CHD2: variants seen among roughly 807,000 people sequenced by gnomAD.
CHD2 encodes the protein ATP-dependent chromatin remodeler CHD2.
In CHD2, 28 loss-of-function variants were observed where a neutral mutation model predicts 243.9. The observed-to-expected ratio is 0.11, with a 90% CI of 0.09 to 0.16. CHD2 has a LOEUF of 0.16. Among genes scored for constraint, CHD2 ranks in the 10% least tolerant of loss-of-function variants. The pLI is 1.00. For synonymous variants in CHD2, 775 were observed against 779.0 expected (o/e 0.99, Z 0.09); for missense variants, 1,386 against 2,209.8 (o/e 0.63, Z 7.47).
rs1211531023 is a variant in CHD2, at chr15:92,948,949, C to T, written c.1378-3C>T. On this transcript the variant is annotated splice_polypyrimidine_tract_variant and splice_region_variant and intron_variant, in intron 12 of 38. Coordinates refer to ENST00000394196, the MANE Select transcript of CHD2 (RefSeq NM_001271.4). The stretch of plus-strand genomic sequence containing the variant: ...TTCTCAGACTTGGGCTTTTGTTTTT[C>T]AGGCCCTGAAGCAGAGACCACGATT... The T allele has an allele frequency of 1.2e-6, 2 of 1,609,072 alleles. No individual in the cohort carries two copies. Among genetic ancestry groups the T allele is most frequent in the Non-Finnish European group, 1.7e-6 (2 of 1,178,622 alleles).
At chr15:92,966,239 T>G (rs1245721506) in intron 16 of CHD2, among the ~76,000 whole-genome samples, 1 of 151,562 alleles carries the variant, frequency 6.6e-6, no homozygotes, top group Non-Finnish European at 1.5e-5. Context: ...AATTTTTGTA[T>G]TTTTAGTAGA....
intron 2 of CHD2, chr15:92,905,050 G>C (rs1181383826): frequency 1.3e-6 from 2 of 1,483,512 alleles, no homozygotes; most frequent in Admixed American, 4.2e-5. Context: ...ATTCACAGTG[G>C]GATAGTTTAG....
intron 22 of CHD2, 55 bp downstream of exon 22, chr15:92,979,338 G>T: frequency 1.3e-6 from 2 of 1,584,010 alleles, no homozygotes; most frequent in South Asian, 2.3e-5. Context: ...CTACATCACT[G>T]TTGGATATAA....
chr15:92,941,834 T>A lies in CHD2; in HGVS notation c.705T>A (p.Asp235Glu). The A allele has an allele frequency of 6.2e-7, 1 of 1,613,222 alleles. No homozygotes were observed. Residue 235 changes from aspartate to glutamate, a missense_variant, in exon 8 of 39, where the codon GAT becomes GAA. Physicochemically the swap from Asp to Glu is conservative, Grantham distance 45. Coordinates refer to ENST00000394196, the MANE Select transcript of CHD2 (RefSeq NM_001271.4). ...ATTCCTCTTGCAGTTACAAAGAAGA[T>A]GATGACTTTGAGACTGACTCAGATG... ...RAAKNVSYKE[D>E]DDFETDSDDL... is the part of the protein sequence containing the mutation.
At chr15:92,939,204 CTG>C (rs2053317865) in intron 6 of CHD2, among the ~76,000 whole-genome samples, 1 of 152,152 alleles carries the variant, frequency 6.6e-6, no homozygotes, top group Non-Finnish European at 1.5e-5. Flanking sequence ...ACAAGTAAAA[CTG>C]TTAATTCCTA....
chr15:92,946,044 G>A lies in CHD2; in HGVS notation c.1205G>A (p.Ser402Asn), dbSNP rs1425228329. 6.3e-7 allele frequency: 1 copy of A among 1,578,710 alleles called. No individual in the cohort carries two copies. Among genetic ancestry groups the A allele is most frequent in the Non-Finnish European group, 8.6e-7 (1 of 1,163,136 alleles). ...TTTTTTTTATATGAAATAGCTCATA[G>A]TCGGAAGCCGGCACCCTCAAATGAG... ...TLGQTDFPAH[S>N]RKPAPSNEPE... Residue 402 changes from serine to asparagine, a missense_variant, in exon 12 of 39, where the codon AGT becomes AAT. Around this residue, in one of 19 missense-constraint regions of CHD2, gnomAD observed 200 missense variants for 292.5 expected, o/e 0.68. Transcript: ENST00000394196.
intron 2 of CHD2, chr15:92,902,553 G>A (rs12901651): frequency 0.2 from 33,984 of 174,024 alleles, 4,397 homozygotes; most frequent in Non-Finnish European, 0.28. Flanking sequence ...TTATTTGACT[G>A]AAAGCATATT....
intron 35 of CHD2, among the ~76,000 whole-genome samples, chr15:93,010,018 A>C (rs777292103): frequency 6.6e-6 from 1 of 152,176 alleles, no homozygotes; most frequent in South Asian, 2.1e-4. Flanking sequence ...GTCATCTTCT[A>C]TCCCTCAGCC....
intron 16 of CHD2, among the ~76,000 whole-genome samples, chr15:92,965,617 A>G (rs532402182): frequency 2.0e-5 from 3 of 149,568 alleles, no homozygotes; most frequent in Non-Finnish European, 3.0e-5. Flanking sequence ...TCTGATGGTA[A>G]ATATTTTTGG....
chr15:92,940,035 A>G (rs1387458277), intron 7 of CHD2, among the ~76,000 whole-genome samples: 1 of 152,236 alleles, frequency 6.6e-6, no homozygotes, highest in African/African-American at 2.4e-5. Flanking sequence ...TATTTGGATT[A>G]TATTCCTACT....
intron 34 of CHD2, among the ~76,000 whole-genome samples, chr15:93,008,775 C>G (rs577706620): frequency 1.3e-5 from 2 of 152,236 alleles, no homozygotes; most frequent in Non-Finnish European, 2.9e-5. Context: ...ATATTATATC[C>G]CGTATTTTTA....
At chr15:92,978,948 G>A (rs976352222) in intron 21 of CHD2, among the ~76,000 whole-genome samples, 187 bp from the exon 22 acceptor site, 2 of 152,160 alleles carry the variant, frequency 1.3e-5, no homozygotes, top group African/African-American at 4.8e-5. Context: ...GTAACCTGCT[G>A]CACATAGTAA....
intron 4 of CHD2, 83 bp from the exon 5 acceptor site, chr15:92,928,945 TAG>T (rs2053115726): frequency 7.8e-7 from 1 of 1,284,790 alleles, no homozygotes; most frequent in Admixed American, 2.0e-5. Flanking sequence ...GTATATTGAG[TAG>T]ACTGTTGATC....
At position 92,997,557 on chromosome 15, in the gene CHD2, A is replaced by C. The variant is rs540126353; in HGVS notation, c.3885+154A>C. 1,163 of 656,120 alleles carry C rather than the reference A, an allele frequency of 1.8e-3. 5 individuals are homozygous for C. Among genetic ancestry groups the C allele is most frequent in the Non-Finnish European group, 2.4e-3 (1,048 of 432,636 alleles). 40.6% of individuals were successfully genotyped at this position (656,120 alleles called of 1,614,324 possible). A position where few individuals can be genotyped will look rare whatever the true frequency, so the allele number is the denominator to read the frequency against. On this transcript the variant is annotated intron_variant, in intron 30 of 38. Transcript: ENST00000394196. This position sits in a 1 kb window ranked among gnomAD's most constrained non-coding sequence, Gnocchi z 4.1. Reference sequence around the variant, plus strand: ...ACTTCCATCTTTAGCAGATTGTGGCACTGTTTCACGGATGAAGATAAAGGG... The same window carrying C: ...ACTTCCATCTTTAGCAGATTGTGGCCCTGTTTCACGGATGAAGATAAAGGG...
rs770946811 is a variant in CHD2 at position 92,946,210 on chromosome 15, A to C, written c.1371A>C (p.Glu457Asp). Residue 457 changes from glutamate (E) to aspartate (D), a missense_variant, in exon 12 of 39, where the codon GAA (glutamate) becomes GAC (aspartate). Coordinates refer to ENST00000394196, the MANE Select transcript of CHD2 (RefSeq NM_001271.4). ...ACTCAAAAACCATCCCAACAAGAGAATGCAAGGTATGGTGATGGTTGGCTT... is the reference window on the plus strand; with the variant it reads ...ACTCAAAAACCATCCCAACAAGAGACTGCAAGGTATGGTGATGGTTGGCTT... ...RNNSKTIPTR[E>D]CKALKQRPRF... 1 of 1,609,690 alleles carries C rather than the reference A, an allele frequency of 6.2e-7. No homozygotes were observed.
chr15:92,912,809 C>CA lies in CHD2; in HGVS notation c.63-11509dup, dbSNP rs1183816178. On this transcript the variant is annotated intron_variant, in intron 2 of 38. Transcript: ENST00000394196. ...TTGTGATCCGCCCGCCTCGGCCTCC[C>CA]AAAGTGCTGGGATTACAGGCGTGAG... Among the ~76,000 whole-genome samples the CA allele has an allele frequency of 2.6e-5, 4 of 152,238 alleles. No homozygotes were observed. The East Asian group carries it at 7.7e-4, about 29-fold the overall frequency.
At chr15:93,000,159 G>A (rs2054235872) in intron 31 of CHD2, among the ~76,000 whole-genome samples, 1 of 152,096 alleles carries the variant, frequency 6.6e-6, no homozygotes. Context: ...TTAGCTACTC[G>A]AGAGGCTGAG....
chr15:93,012,311 A>C, intron 35 of CHD2, 34 bp from the exon 36 acceptor site: 1 of 1,481,734 alleles, frequency 6.7e-7, no homozygotes, highest in Non-Finnish European at 9.2e-7. Flanking sequence ...TTCTAATTCT[A>C]TAATTCACCA....
intron 31 of CHD2, among the ~76,000 whole-genome samples, chr15:92,999,302 T>G (rs1596448458): frequency 6.6e-6 from 1 of 152,302 alleles, no homozygotes; most frequent in South Asian, 2.1e-4. Flanking sequence ...TGGGTTTGCC[T>G]GTTGTTCTGT....
Sources: gnomAD v4.1 joint callset for allele counts (sites outside exome capture counted in the v4.1 genomes callset) on GRCh38, gnomAD v4.1.1 for gene constraint, gnomAD v4.1.1 regional missense constraint, Gnocchi (gnomAD v3.1) non-coding constraint, MANE v1.5 for transcripts, NCBI Gene and HGNC (gene_info 2026-07-23, HGNC 2026-07-21) for gene names.